GRM5: variants seen among roughly 807,000 people sequenced by gnomAD.
GRM5 encodes the protein metabotropic glutamate receptor 5.
Under a neutral mutation model 83.1 loss-of-function variants are expected in GRM5, and 19 were observed. The ratio of observed to expected loss-of-function variants is 0.23; its 90% CI spans 0.16 to 0.34. GRM5 has a LOEUF of 0.34. GRM5 is among the 10% of genes least tolerant of loss of function. The pLI, the probability that GRM5 is intolerant of heterozygous loss-of-function variation, is 1.00. For synonymous variants in GRM5, 675 were observed against 633.6 expected (o/e 1.07, Z -0.98); for missense variants, 1,160 against 1,588.3 (o/e 0.73, Z 4.58).
rs1361138242 is a variant in GRM5 at position 88,525,312 on chromosome 11, C to A, written c.2723G>T (p.Ser908Ile). Residue 908 changes from serine (S) to isoleucine (I), a missense_variant, in exon 9 of 10, where the codon AGC becomes ATC. Ser to Ile is a moderately radical substitution (Grantham distance 142, BLOSUM62 -2). Coordinates refer to ENST00000305447, the MANE Select transcript of GRM5 (RefSeq NM_001143831.3). ...SMGNGGRATM[S>I]SSNGKSVTWA... The stretch of plus-strand genomic sequence containing the variant: ...AGGCCACTCATAGTTTGCTTACCTG[C>A]TCATTGTTGCTCTCCCACCATTCCC... 1 of 1,584,876 alleles carries A rather than the reference C, an allele frequency of 6.3e-7. No individual in the cohort carries two copies. Among genetic ancestry groups the A allele is most frequent in the Non-Finnish European group, 8.7e-7 (1 of 1,153,690 alleles).
intron 3 of GRM5, among the ~76,000 whole-genome samples, chr11:88,706,099 C>G (rs1179099457): frequency 6.6e-6 from 1 of 152,080 alleles, no homozygotes; most frequent in Non-Finnish European, 1.5e-5. Context: ...ATCTGACATT[C>G]TTTTCCCAAA....
intron 3 of GRM5, among the ~76,000 whole-genome samples, chr11:88,734,840 A>C: frequency 6.6e-6 from 1 of 152,100 alleles, no homozygotes; most frequent in East Asian, 1.9e-4. Flanking sequence ...GAATATGGAA[A>C]ATTGGAAATG....
intron 3 of GRM5, among the ~76,000 whole-genome samples, chr11:88,799,139 T>C (rs1943341364): frequency 6.6e-6 from 1 of 152,136 alleles, no homozygotes; most frequent in Non-Finnish European, 1.5e-5. Flanking sequence ...TTTGGCACTT[T>C]TAGAAATTTC....
chr11:89,031,976 A>G lies in GRM5; in HGVS notation c.661+15236T>C, dbSNP rs1242783351. On this transcript the variant is annotated intron_variant, in intron 2 of 9. Coordinates refer to ENST00000305447, the MANE Select transcript of GRM5 (RefSeq NM_001143831.3). Reference sequence around the variant, plus strand: ...AATAAGAAAAATAGTATTAACAGATAGCATTTATTGACTGCCTATTATATA... The same window carrying G: ...AATAAGAAAAATAGTATTAACAGATGGCATTTATTGACTGCCTATTATATA... 2.0e-5 allele frequency among the ~76,000 whole-genome samples: 3 copies of G among 152,218 alleles called. No homozygotes were observed. In the East Asian group the frequency reaches 5.8e-4, roughly 29 times the overall value.
intron 2 of GRM5, among the ~76,000 whole-genome samples, chr11:88,863,513 A>G (rs1024175270): frequency 2.6e-5 from 4 of 152,122 alleles, no homozygotes; most frequent in African/African-American, 9.7e-5. Context: ...ATTGGGAAAC[A>G]GAAAACCAAA....
chr11:88,762,121 G>A (rs148056147), intron 3 of GRM5, among the ~76,000 whole-genome samples: 2,469 of 152,152 alleles, frequency 0.016, 34 homozygotes, highest in Non-Finnish European at 0.026. Flanking sequence ...TCTGGACATA[G>A]GAATGAGCAA....
At chr11:89,058,057 A>G (rs2135167782) in intron 1 of GRM5, among the ~76,000 whole-genome samples, 1 of 152,260 alleles carries the variant, frequency 6.6e-6, no homozygotes. Flanking sequence ...CCCAAACTTA[A>G]TAAACAAATA....
At chr11:88,553,878 G>C (rs1942565435) in intron 8 of GRM5, among the ~76,000 whole-genome samples, 1 of 152,014 alleles carries the variant, frequency 6.6e-6, no homozygotes, top group African/African-American at 2.4e-5. Flanking sequence ...AGGAGTTTTG[G>C]GTAGGGAAGA....
chr11:88,535,110 C>T (rs1239851350), intron 8 of GRM5, among the ~76,000 whole-genome samples: 4 of 152,134 alleles, frequency 2.6e-5, no homozygotes, highest in African/African-American at 4.8e-5. Flanking sequence ...AGCATGAAAA[C>T]GAACTAATAC....
chr11:88,654,777 A>AT lies in GRM5; in HGVS notation c.912-1375dup, dbSNP rs112062521. Among the ~76,000 whole-genome samples, 1,035 of 151,344 alleles carry AT rather than the reference A, an allele frequency of 6.8e-3. 14 individuals are homozygous for AT. The highest frequency in any genetic ancestry group is 0.023 in the African/African-American group (930 of 41,322). Reference sequence around the variant, plus strand: ...CTTTCAATGCATTTTTGCCCTTAACATTTTTTTTTCTATGCAGAAAGCATG... The same window carrying AT: ...CTTTCAATGCATTTTTGCCCTTAACATTTTTTTTTTCTATGCAGAAAGCATG... On this transcript the variant is annotated intron_variant, in intron 3 of 9. Transcript: ENST00000305447.
intron 3 of GRM5, among the ~76,000 whole-genome samples, chr11:88,794,489 T>A (rs1352196464): frequency 6.6e-6 from 1 of 152,122 alleles, no homozygotes; most frequent in Non-Finnish European, 1.5e-5. Context: ...GTGTTTTTAT[T>A]TTTTAAAAAA....
intron 3 of GRM5, among the ~76,000 whole-genome samples, chr11:88,811,801 T>G (rs1943593257): frequency 6.6e-6 from 1 of 151,428 alleles, no homozygotes; most frequent in Non-Finnish European, 1.5e-5. Flanking sequence ...AATCACACCC[T>G]GCCCCTTCCA....
Position 88,508,543 on chromosome 11 carries a change from CG to C in GRM5, c.*48del. On this transcript the variant is annotated 3_prime_UTR_variant, in exon 10 of 10. Transcript: ENST00000305447. This position sits in a 1 kb window ranked among gnomAD's most constrained non-coding sequence, Gnocchi z 4.2. ...GCTTGCCATTGTGTGTGTGTGAACA[CG>C]GGGGGCTCCGCTCCGCACGCGCAGG... 2 of 1,486,948 alleles carry C rather than the reference CG, an allele frequency of 1.3e-6. No homozygotes were observed. The highest frequency in any genetic ancestry group is 1.9e-6 in the Non-Finnish European group (2 of 1,075,262). 92.1% of individuals were successfully genotyped at this position (1,486,948 alleles called of 1,614,324 possible).
intron 7 of GRM5, among the ~76,000 whole-genome samples, chr11:88,586,040 C>A (rs1378503000): frequency 2.0e-5 from 3 of 151,912 alleles, no homozygotes; most frequent in Admixed American, 6.6e-5. Context: ...GCTTAAACAT[C>A]ATTTTAATGA....
At chr11:88,518,417 CTA>C (rs1941584668) in intron 9 of GRM5, among the ~76,000 whole-genome samples, 1 of 151,756 alleles carries the variant, frequency 6.6e-6, no homozygotes, top group Non-Finnish European at 1.5e-5. Flanking sequence ...AATTTTGATG[CTA>C]TGTTTTTTGA....
chr11:89,056,067 T>C (rs1329096836), intron 1 of GRM5, among the ~76,000 whole-genome samples: 2 of 152,200 alleles, frequency 1.3e-5, no homozygotes, highest in African/African-American at 4.8e-5. Context: ...ATTTAATTAT[T>C]CCTTATTGTT....
chr11:88,986,950 G>A (rs1382024222), intron 2 of GRM5, among the ~76,000 whole-genome samples: 1 of 151,984 alleles, frequency 6.6e-6, no homozygotes. Context: ...CACTTTGGGA[G>A]GCTGAGGTGG....
intron 7 of GRM5, among the ~76,000 whole-genome samples, chr11:88,582,078 C>T (rs1209543965): frequency 2.0e-5 from 3 of 152,080 alleles, no homozygotes; most frequent in South Asian, 4.2e-4. Context: ...CTCTTTTATT[C>T]CTTCATTATA....
chr11:88,632,793 CTCA>C (rs1185900203), intron 4 of GRM5, among the ~76,000 whole-genome samples: 3 of 152,174 alleles, frequency 2.0e-5, no homozygotes, highest in Non-Finnish European at 4.4e-5. Flanking sequence ...ATTTTATATT[CTCA>C]TCAACAGTAC....
Sources: allele counts gnomAD v4.1 joint callset (sites outside exome capture counted in the v4.1 genomes callset), GRCh38; gene constraint gnomAD v4.1.1; non-coding constraint Gnocchi (gnomAD v3.1); transcripts MANE v1.5; gene names NCBI Gene and HGNC (gene_info 2026-07-23, HGNC 2026-07-21).